TRPC4: variants seen among roughly 807,000 people sequenced by gnomAD.
TRPC4 encodes the protein transient receptor potential cation channel subfamily C member 4, also known as short transient receptor potential channel 4.
A neutral mutation model predicts 99.4 loss-of-function variants in TRPC4; 49 were observed. The observed-to-expected ratio is 0.49, with a 90% confidence interval of 0.39 to 0.63. TRPC4 has a LOEUF of 0.63. Among genes scored for constraint, TRPC4 ranks in the 20% least tolerant of loss-of-function variants. The pLI is 0.00. For synonymous variants in TRPC4, 454 were observed against 425.9 expected (o/e 1.07, Z -0.81); for missense variants, 898 against 1,152.9 (o/e 0.78, Z 3.20).
intron 2 of TRPC4, among the ~76,000 whole-genome samples, chr13:37,757,543 T>C (rs1316547432): frequency 6.6e-6 from 1 of 152,032 alleles, no homozygotes; most frequent in African/African-American, 2.4e-5. Flanking sequence ...ATGTATGATA[T>C]TTGAAATTTT....
intron 1 of TRPC4, among the ~76,000 whole-genome samples, chr13:37,853,522 C>A (rs543388497): frequency 5.9e-5 from 9 of 152,234 alleles, no homozygotes; most frequent in African/African-American, 2.2e-4. Context: ...CAGCAAAGAA[C>A]ACCTATAAGC....
At chr13:37,641,540 G>A (rs1407742074) in intron 8 of TRPC4, among the ~76,000 whole-genome samples, 3 of 152,252 alleles carry the variant, frequency 2.0e-5, no homozygotes, top group East Asian at 1.9e-4. Context: ...AATGCAGTGC[G>A]CTCACCAAAT....
chr13:37,704,323 A>G (rs1028038002), intron 3 of TRPC4, among the ~76,000 whole-genome samples: 1 of 152,176 alleles, frequency 6.6e-6, no homozygotes, highest in Non-Finnish European at 1.5e-5. Flanking sequence ...TTTTACAAAA[A>G]CTTACCAAAG....
intron 1 of TRPC4, among the ~76,000 whole-genome samples, chr13:37,826,786 A>G (rs1374127472): frequency 1.3e-5 from 2 of 151,932 alleles, no homozygotes; most frequent in East Asian, 1.9e-4. Flanking sequence ...TCTTTGTGGC[A>G]TTCTCTGTAT....
Position 37,637,089 on chromosome 13 carries a change from C to A in TRPC4, c.2748G>T (p.Thr916=). Residue 916 remains threonine, a synonymous_variant, in exon 11 of 11, where the codon ACG becomes ACT. Coordinates refer to ENST00000379705, the MANE Select transcript of TRPC4 (RefSeq NM_016179.4). ...CVLVDHRERN[T]DTLGLQVGKR... Reference sequence around the variant, plus strand: ...TTCCTACCTGTAACCCCAGTGTGTCCGTATTCCTTTCTCTATGGTCTACTA... The same window carrying A: ...TTCCTACCTGTAACCCCAGTGTGTCAGTATTCCTTTCTCTATGGTCTACTA... 6.2e-7 allele frequency: 1 copy of A among 1,613,668 alleles called. No homozygotes were observed. Among genetic ancestry groups the A allele is most frequent in the Non-Finnish European group, 8.5e-7 (1 of 1,179,788 alleles).
At chr13:37,842,166 A>C (rs892768915) in intron 1 of TRPC4, among the ~76,000 whole-genome samples, 1 of 150,856 alleles carries the variant, frequency 6.6e-6, no homozygotes, top group African/African-American at 2.4e-5. Context: ...GATACTCGGG[A>C]GGCTGATGCA....
At chr13:37,744,481 T>C (rs1178521684) in intron 3 of TRPC4, among the ~76,000 whole-genome samples, 2 of 152,262 alleles carry the variant, frequency 1.3e-5, no homozygotes, top group Admixed American at 1.3e-4. Flanking sequence ...AAGAAGCTGT[T>C]CACTTCAGTA....
At chr13:37,658,118 G>A (rs1481711537) in intron 6 of TRPC4, among the ~76,000 whole-genome samples, 1 of 152,142 alleles carries the variant, frequency 6.6e-6, no homozygotes. Context: ...CCCATACATT[G>A]AAGGATCATT....
At chr13:37,664,054 T>C (rs554084194) in intron 5 of TRPC4, among the ~76,000 whole-genome samples, 1 of 152,294 alleles carries the variant, frequency 6.6e-6, no homozygotes, top group South Asian at 2.1e-4. Context: ...TTGCTAACTT[T>C]TTACATTTAA....
intron 6 of TRPC4, among the ~76,000 whole-genome samples, chr13:37,659,692 G>A (rs1401833476): frequency 6.6e-6 from 1 of 152,134 alleles, no homozygotes; most frequent in Non-Finnish European, 1.5e-5. Flanking sequence ...AGAGACCAGG[G>A]GCAGGGGTAC....
At chr13:37,779,613 A>C (rs1956787918) in intron 2 of TRPC4, among the ~76,000 whole-genome samples, 1 of 152,076 alleles carries the variant, frequency 6.6e-6, no homozygotes, top group South Asian at 2.1e-4. Flanking sequence ...ATAAGGTCAA[A>C]AAGAAAACCA....
intron 5 of TRPC4, among the ~76,000 whole-genome samples, chr13:37,669,402 G>C (rs190651391): frequency 6.6e-6 from 1 of 152,136 alleles, no homozygotes; most frequent in Admixed American, 6.5e-5. Flanking sequence ...ACAGTGAAAA[G>C]AGAAAATGAT....
At chr13:37,801,556 A>C (rs1322873100) in intron 1 of TRPC4, among the ~76,000 whole-genome samples, 1 of 152,158 alleles carries the variant, frequency 6.6e-6, no homozygotes, top group African/African-American at 2.4e-5. Flanking sequence ...ACTGAATATG[A>C]TGACCAAGCC....
rs1251736789 is a variant in TRPC4, at chr13:37,709,260, G to C, written c.898-16925C>G. Among the ~76,000 whole-genome samples, 3 of 151,862 alleles carry C rather than the reference G, an allele frequency of 2.0e-5. No homozygotes were observed. In the South Asian group the frequency reaches 6.2e-4, roughly 32 times the overall value. On this transcript the variant is annotated intron_variant, in intron 3 of 10. Transcript: ENST00000379705. ...ATCTAAGAGGTAATGATAACTTCTGGTACTAAATGTTGTCAGCATTCAGAT... is the reference window on the plus strand; with the variant it reads ...ATCTAAGAGGTAATGATAACTTCTGCTACTAAATGTTGTCAGCATTCAGAT...
intron 2 of TRPC4, among the ~76,000 whole-genome samples, chr13:37,755,723 T>C (rs1420576781): frequency 6.6e-6 from 1 of 152,272 alleles, no homozygotes; most frequent in South Asian, 2.1e-4. Context: ...TAATTAGCTA[T>C]ATAATCTTGT....
At position 37,784,972 on chromosome 13, in the gene TRPC4, C is replaced by T. The variant is rs1249215797; in HGVS notation, c.-27-1612G>A. Among the ~76,000 whole-genome samples, 3 of 152,132 alleles carry T rather than the reference C, an allele frequency of 2.0e-5. No individual in the cohort carries two copies. In the East Asian group the frequency reaches 5.8e-4, roughly 29 times the overall value. On this transcript the variant is annotated intron_variant, in intron 1 of 10. Transcript: ENST00000379705. ...TATTTTGTAAAGCTACCTTCACAGA[C>T]TAAGCAAAAAGTGAGTGTTCAATAT...
At chr13:37,822,375 C>T (rs1253389224) in intron 1 of TRPC4, among the ~76,000 whole-genome samples, 3 of 151,924 alleles carry the variant, frequency 2.0e-5, no homozygotes, top group African/African-American at 4.8e-5. Flanking sequence ...GCTGCACCCA[C>T]TAACTCGTCA....
intron 1 of TRPC4, among the ~76,000 whole-genome samples, chr13:37,802,962 C>A (rs1209551513): frequency 2.0e-5 from 3 of 151,992 alleles, no homozygotes; most frequent in African/African-American, 7.2e-5. Context: ...TTGTCCCCTT[C>A]TATGTCCATT....
chr13:37,819,434 C>A (rs1050773231), intron 1 of TRPC4, among the ~76,000 whole-genome samples: 2 of 151,896 alleles, frequency 1.3e-5, no homozygotes, highest in Non-Finnish European at 2.9e-5. Flanking sequence ...ACATAAATGC[C>A]CATCAATGAT....
Sources: gnomAD v4.1 joint callset for allele counts (sites outside exome capture counted in the v4.1 genomes callset) on GRCh38, gnomAD v4.1.1 for gene constraint, MANE v1.5 for transcripts, NCBI Gene and HGNC (gene_info 2026-07-23, HGNC 2026-07-21) for gene names.